Variants in ARID5B observed in about 807,000 individuals in gnomAD.
The protein encoded by ARID5B is AT-rich interaction domain 5B.
In ARID5B, 13 loss-of-function variants were observed where a neutral mutation model predicts 97.2. That is an observed-to-expected ratio of 0.13 (90% confidence interval 0.09 to 0.21). The LOEUF is 0.21. Ranked by LOEUF, ARID5B falls within the 10% of genes least tolerant of loss-of-function variation. The pLI is 1.00. For missense variants in ARID5B, 1,210 were observed against 1,465.3 expected (o/e 0.83, Z 2.84); for synonymous variants, 556 against 570.3 (o/e 0.97, Z 0.36).
chr10:61,923,661 C>T (rs1202039032), intron 2 of ARID5B, among the ~76,000 whole-genome samples: 1 of 152,198 alleles, frequency 6.6e-6, no homozygotes, highest in African/African-American at 2.4e-5. Context: ...TTCCTAGTGC[C>T]TAGCACAGCT....
At chr10:61,986,012 C>T (rs1022808586) in intron 3 of ARID5B, among the ~76,000 whole-genome samples, 8 of 152,036 alleles carry the variant, frequency 5.3e-5, no homozygotes, top group African/African-American at 1.2e-4. Flanking sequence ...CAGAAATTTG[C>T]GTCTCATAAA....
chr10:61,944,256 C>T (rs1359716402), intron 3 of ARID5B, among the ~76,000 whole-genome samples: 2 of 151,840 alleles, frequency 1.3e-5, no homozygotes, highest in Non-Finnish European at 2.9e-5. Flanking sequence ...ATAATGAACA[C>T]AAGAACCTGT....
chr10:62,054,618 G>A (rs1839831381), intron 5 of ARID5B, among the ~76,000 whole-genome samples: 1 of 152,168 alleles, frequency 6.6e-6, no homozygotes, highest in Admixed American at 6.5e-5. Context: ...TCTTCTTTCT[G>A]TTTCTGAGTG....
chr10:62,078,331 A>C (rs187365288), intron 8 of ARID5B, among the ~76,000 whole-genome samples: 2 of 152,314 alleles, frequency 1.3e-5, no homozygotes, highest in African/African-American at 4.8e-5. Flanking sequence ...TCTACTAAAA[A>C]TAAAAAAAAT....
At chr10:61,929,357 G>A (rs901836256) in intron 2 of ARID5B, among the ~76,000 whole-genome samples, 1 of 152,034 alleles carries the variant, frequency 6.6e-6, no homozygotes, top group African/African-American at 2.4e-5. Flanking sequence ...CTGCCAACCC[G>A]TCTGATATTA....
At chr10:61,903,254 C>T (rs1403446885) in intron 2 of ARID5B, among the ~76,000 whole-genome samples, 6 of 152,024 alleles carry the variant, frequency 3.9e-5, no homozygotes, top group Admixed American at 2.0e-4. Flanking sequence ...GCCCAGACGG[C>T]GCTCCCGGGG....
chr10:62,063,510 TA>T (rs11343237), intron 7 of ARID5B, among the ~76,000 whole-genome samples: 3,082 of 141,310 alleles, frequency 0.022, 35 homozygotes, highest in East Asian at 0.034. Flanking sequence ...CAAATTGAAT[TA>T]AAAAAAAAAA....
chr10:62,056,695 A>G (rs1207824743), intron 5 of ARID5B, among the ~76,000 whole-genome samples: 1 of 152,222 alleles, frequency 6.6e-6, no homozygotes, highest in Non-Finnish European at 1.5e-5. Flanking sequence ...TGCAAAGGCT[A>G]TCTCTCATTT....
At chr10:62,008,952 C>CA (rs1218675199) in intron 4 of ARID5B, among the ~76,000 whole-genome samples, 1 of 152,092 alleles carries the variant, frequency 6.6e-6, no homozygotes, top group Non-Finnish European at 1.5e-5. Context: ...GGTCTAATTT[C>CA]AAAAAAATGA....
intron 3 of ARID5B, among the ~76,000 whole-genome samples, chr10:61,956,887 C>T (rs1213940514): frequency 6.6e-6 from 1 of 152,174 alleles, no homozygotes. Flanking sequence ...TAACAATTTG[C>T]GGGTATTCCT....
intron 4 of ARID5B, chr10:62,025,083 A>G (rs1839404439): frequency 6.3e-6 from 1 of 158,982 alleles, no homozygotes; most frequent in African/African-American, 2.4e-5. Context: ...TTTTAATTGG[A>G]ATGGCCATAA....
At chr10:61,987,202 T>C (rs1433981316) in intron 3 of ARID5B, among the ~76,000 whole-genome samples, 1 of 152,012 alleles carries the variant, frequency 6.6e-6, no homozygotes, top group African/African-American at 2.4e-5. Flanking sequence ...AGCCAGCCCA[T>C]GAGGGAGCCC....
intron 4 of ARID5B, among the ~76,000 whole-genome samples, chr10:62,024,234 G>A (rs1413303284): frequency 1.3e-5 from 2 of 152,160 alleles, no homozygotes; most frequent in Non-Finnish European, 2.9e-5. Flanking sequence ...TCTAGAGCCT[G>A]GGAATGTGAC....
rs150686740 is a variant in ARID5B, at chr10:62,091,710, A to G, written c.2247A>G (p.Pro749=). The change falls in exon 10 of 10, where the codon CCA becomes CCG. Residue 749 remains proline, a synonymous_variant. Coordinates refer to ENST00000279873, the MANE Select transcript of ARID5B (RefSeq NM_032199.3). ...CTGACCATATGGCGGTCAGCCGGCC[A>G]TCAGTGATTCAGCACGTCCAGAGTT... ...QSTDHMAVSR[P]SVIQHVQSFR... The G allele has an allele frequency of 8.7e-6, 14 of 1,614,078 alleles. No individual in the cohort carries two copies. Among genetic ancestry groups the G allele is most frequent in the Middle Eastern group, 1.6e-4 (1 of 6,084 alleles).
At chr10:62,057,048 AC>A in intron 5 of ARID5B, 68 bp from the exon 6 acceptor site, 2 of 1,479,906 alleles carry the variant, frequency 1.4e-6, no homozygotes, top group Non-Finnish European at 1.9e-6. Context: ...TGGCTCTGTC[AC>A]TAGCTATGTC....
At chr10:62,076,700 G>C (rs951058750) in intron 8 of ARID5B, among the ~76,000 whole-genome samples, 2 of 152,000 alleles carry the variant, frequency 1.3e-5, no homozygotes, top group Non-Finnish European at 2.9e-5. Flanking sequence ...TGTATAAAAA[G>C]GTAGGGGCTG....
chr10:61,946,425 C>T (rs953950572), intron 3 of ARID5B, among the ~76,000 whole-genome samples: 1 of 152,178 alleles, frequency 6.6e-6, no homozygotes, highest in Non-Finnish European at 1.5e-5. Context: ...ATCCTTCTTA[C>T]TGGGACAATC....
At chr10:61,964,594 C>T (rs950420693) in intron 3 of ARID5B, among the ~76,000 whole-genome samples, 5 of 152,208 alleles carry the variant, frequency 3.3e-5, no homozygotes. Context: ...TAGCTTCACT[C>T]CAGCTCTGGA....
chr10:61,979,818 G>A (rs972163653), intron 3 of ARID5B, among the ~76,000 whole-genome samples: 6 of 152,186 alleles, frequency 3.9e-5, no homozygotes, highest in South Asian at 2.1e-4. Context: ...TAGGCCGAGC[G>A]TGGTGGCTCA....
Sources: allele counts gnomAD v4.1 joint callset (sites outside exome capture counted in the v4.1 genomes callset), GRCh38; gene constraint gnomAD v4.1.1; transcripts MANE v1.5; gene names NCBI Gene and HGNC (gene_info 2026-07-23, HGNC 2026-07-21).